CLSTN2: variants seen among roughly 807,000 people sequenced by gnomAD.
CLSTN2 encodes calsyntenin 2, also known as calsyntenin-2.
CLSTN2 carries 48 observed loss-of-function variants against 101.2 expected under a neutral mutation model. That is an observed-to-expected ratio of 0.47 (90% CI 0.38 to 0.60). The LOEUF (loss-of-function observed/expected upper bound fraction) is 0.60. Ranked by LOEUF, CLSTN2 falls within the 20% of genes least tolerant of loss-of-function variation. The pLI is 0.00. For missense variants in CLSTN2, 1,160 were observed against 1,238.2 expected, an observed-to-expected ratio of 0.94 and a Z score of 0.95; for synonymous variants, 481 against 463.6, an observed-to-expected ratio of 1.04 and a Z score of -0.48.
At chr3:140,231,546 C>G (rs1308393245) in intron 2 of CLSTN2, among the ~76,000 whole-genome samples, 2 of 152,174 alleles carry the variant, frequency 1.3e-5, no homozygotes, top group African/African-American at 4.8e-5. Context: ...TATAGCTCAT[C>G]TCAGGTGTGG....
chr3:140,426,231 G>T (rs1041881134), intron 5 of CLSTN2, among the ~76,000 whole-genome samples: 1 of 152,150 alleles, frequency 6.6e-6, no homozygotes, highest in Non-Finnish European at 1.5e-5. Context: ...CCATCACCTA[G>T]ATATTAAGCG....
intron 2 of CLSTN2, among the ~76,000 whole-genome samples, chr3:140,191,072 A>C (rs1195371905): frequency 1.3e-5 from 2 of 152,064 alleles, no homozygotes; most frequent in Non-Finnish European, 2.9e-5. Context: ...TGCCTTTTTC[A>C]AGTTGAGGCA....
At chr3:140,107,106 A>G (rs1177947446) in intron 1 of CLSTN2, among the ~76,000 whole-genome samples, 11 of 152,230 alleles carry the variant, frequency 7.2e-5, no homozygotes, top group South Asian at 2.1e-4. Context: ...AAAGGCAGAC[A>G]TGAATGGACT....
At chr3:140,192,311 G>A (rs992002905) in intron 2 of CLSTN2, among the ~76,000 whole-genome samples, 4 of 151,896 alleles carry the variant, frequency 2.6e-5, no homozygotes, top group Admixed American at 6.6e-5. Flanking sequence ...GTCTATAAAC[G>A]TAGATTACAT....
chr3:140,507,808 C>T (rs1019192710), intron 8 of CLSTN2: 4 of 152,084 alleles, frequency 2.6e-5, no homozygotes, highest in African/African-American at 9.7e-5. Context: ...ATATTCAGCA[C>T]CTAACATAAT....
chr3:140,205,405 C>T (rs2010767937), intron 2 of CLSTN2, among the ~76,000 whole-genome samples: 1 of 152,118 alleles, frequency 6.6e-6, no homozygotes, highest in Non-Finnish European at 1.5e-5. Context: ...GCCTGAAGCA[C>T]CTGAACATGG....
At chr3:140,255,511 C>T (rs562488145) in intron 2 of CLSTN2, among the ~76,000 whole-genome samples, 1 of 152,160 alleles carries the variant, frequency 6.6e-6, no homozygotes, top group Admixed American at 6.5e-5. Context: ...AAACAGAAAA[C>T]CAAATACTGC....
At chr3:140,442,198 C>T (rs1000172366) in intron 5 of CLSTN2, among the ~76,000 whole-genome samples, 2 of 152,078 alleles carry the variant, frequency 1.3e-5, no homozygotes, top group Admixed American at 6.5e-5. Context: ...ACATCTCACC[C>T]TCTCACTTTT....
intron 2 of CLSTN2, among the ~76,000 whole-genome samples, chr3:140,205,071 A>G (rs2010763516): frequency 6.6e-6 from 1 of 152,178 alleles, no homozygotes; most frequent in South Asian, 2.1e-4. Flanking sequence ...CATTTTCTGT[A>G]AGTTACGGCC....
At chr3:140,095,869 G>A (rs1182543334) in intron 1 of CLSTN2, among the ~76,000 whole-genome samples, 1 of 152,190 alleles carries the variant, frequency 6.6e-6, no homozygotes, top group Non-Finnish European at 1.5e-5. Context: ...GGACGCGCAA[G>A]TAATTGAGTT....
chr3:140,314,019 C>T (rs1034713384), intron 2 of CLSTN2, among the ~76,000 whole-genome samples: 14 of 152,158 alleles, frequency 9.2e-5, no homozygotes, highest in Non-Finnish European at 1.9e-4. Context: ...AAATGATGTG[C>T]TTTGTGTGAC....
intron 8 of CLSTN2, among the ~76,000 whole-genome samples, chr3:140,512,649 GA>G (rs150984921): frequency 0.065 from 9,845 of 152,258 alleles, 376 homozygotes; most frequent in Non-Finnish European, 0.094. Flanking sequence ...ATTTCGTGAA[GA>G]ATGTCAATGG....
intron 2 of CLSTN2, among the ~76,000 whole-genome samples, chr3:140,179,844 G>A (rs1435179847): frequency 6.6e-6 from 1 of 151,780 alleles, no homozygotes; most frequent in Non-Finnish European, 1.5e-5. Context: ...TATAACATGT[G>A]TCCACATTTC....
intron 2 of CLSTN2, among the ~76,000 whole-genome samples, chr3:140,366,616 C>T (rs1352525642): frequency 6.6e-6 from 1 of 152,100 alleles, no homozygotes; most frequent in Non-Finnish European, 1.5e-5. Flanking sequence ...CTTTCCTGGG[C>T]CTTCACCTCA....
intron 2 of CLSTN2, among the ~76,000 whole-genome samples, chr3:140,383,871 T>C (rs2088021275): frequency 6.6e-6 from 1 of 152,230 alleles, no homozygotes; most frequent in Non-Finnish European, 1.5e-5. Context: ...GCATTGCTGG[T>C]CTGTGGAAAT....
chr3:140,001,442 A>ATT (rs543011229), intron 1 of CLSTN2, among the ~76,000 whole-genome samples: 2 of 145,188 alleles, frequency 1.4e-5, no homozygotes, highest in Admixed American at 6.9e-5. Flanking sequence ...CCAGTTCTCC[A>ATT]TTTTTTTTTT....
intron 2 of CLSTN2, among the ~76,000 whole-genome samples, chr3:140,373,983 C>T (rs2087887939): frequency 6.6e-6 from 1 of 152,224 alleles, no homozygotes; most frequent in African/African-American, 2.4e-5. Flanking sequence ...CTGCAGGCTC[C>T]AGTTGCAGGC....
At chr3:140,317,810 T>C (rs747130549) in intron 2 of CLSTN2, among the ~76,000 whole-genome samples, 2 of 152,212 alleles carry the variant, frequency 1.3e-5, no homozygotes, top group African/African-American at 2.4e-5. Context: ...AGCCTCTCTG[T>C]GCCTCCCCCA....
At chr3:140,182,450 C>T (rs1488508888) in intron 2 of CLSTN2, among the ~76,000 whole-genome samples, 1 of 152,196 alleles carries the variant, frequency 6.6e-6, no homozygotes, top group East Asian at 1.9e-4. Context: ...ATCATGGGCA[C>T]AGGACCCAGC....
Sources: gnomAD v4.1 joint callset for allele counts (sites outside exome capture counted in the v4.1 genomes callset) on GRCh38, gnomAD v4.1.1 for gene constraint, MANE v1.5 for transcripts, NCBI Gene and HGNC (gene_info 2026-07-23, HGNC 2026-07-21) for gene names.